The following CSNK2A2IP variants were observed in gnomAD, a reference collection of about 807,000 sequenced individuals.
The protein encoded by CSNK2A2IP is casein kinase II subunit alpha'-interacting protein.
the CSNK2A2IP span, among the ~76,000 whole-genome samples, chr3:88,360,651 G>A: frequency 6.6e-6 from 1 of 151,960 alleles, no homozygotes. Flanking sequence ...ACTTTCAATG[G>A]AATAATTTAG....
the CSNK2A2IP span, among the ~76,000 whole-genome samples, chr3:88,351,032 G>A: frequency 6.6e-6 from 1 of 152,078 alleles, no homozygotes; most frequent in East Asian, 1.9e-4. Flanking sequence ...ACAGAATTCT[G>A]GATTCTCATC....
the CSNK2A2IP span, among the ~76,000 whole-genome samples, chr3:88,404,602 C>T: frequency 5.9e-4 from 72 of 122,642 alleles, 4 homozygotes; most frequent in African/African-American, 1.9e-3. Context: ...CTCTTTGTTT[C>T]TCTCTTTCTA....
At chr3:88,447,851 A>T in the CSNK2A2IP span, among the ~76,000 whole-genome samples, 1 of 152,160 alleles carries the variant, frequency 6.6e-6, no homozygotes. Context: ...ATAGAACAAA[A>T]ATATACAGTT....
At chr3:88,409,849 A>G in the CSNK2A2IP span, among the ~76,000 whole-genome samples, 2 of 152,092 alleles carry the variant, frequency 1.3e-5, no homozygotes, top group Non-Finnish European at 2.9e-5. Context: ...GACTTGTAAA[A>G]TGAAACAATA....
chr3:88,404,501 T>G, the CSNK2A2IP span, among the ~76,000 whole-genome samples: 4 of 152,164 alleles, frequency 2.6e-5, no homozygotes, highest in African/African-American at 7.2e-5. Context: ...ATGAAAATAG[T>G]ACTTTTTAAT....
At chr3:88,427,764 C>T in the CSNK2A2IP span, among the ~76,000 whole-genome samples, 5 of 152,242 alleles carry the variant, frequency 3.3e-5, no homozygotes, top group Admixed American at 6.5e-5. Context: ...TTTCAAAGGA[C>T]GTCCGGTTTT....
chr3:88,395,918 T>C, the CSNK2A2IP span, among the ~76,000 whole-genome samples: 1 of 152,154 alleles, frequency 6.6e-6, no homozygotes, highest in African/African-American at 2.4e-5. Context: ...ATTACTTTAA[T>C]TGGTGGCTAT....
the CSNK2A2IP span, among the ~76,000 whole-genome samples, chr3:88,378,790 T>C: frequency 6.6e-6 from 1 of 152,004 alleles, no homozygotes; most frequent in Non-Finnish European, 1.5e-5. Context: ...TCCTAATGCA[T>C]CTTGCACATT....
At chr3:88,360,139 CTTT>C in the CSNK2A2IP span, among the ~76,000 whole-genome samples, 8 of 140,346 alleles carry the variant, frequency 5.7e-5, no homozygotes, top group Admixed American at 1.4e-4. Context: ...GAGTTTTTGT[CTTT>C]TTTTTTTTTT....
At chr3:88,416,912 A>G in the CSNK2A2IP span, among the ~76,000 whole-genome samples, 75 of 152,150 alleles carry the variant, frequency 4.9e-4, no homozygotes, top group African/African-American at 1.7e-3. Flanking sequence ...ATAAGCTCAT[A>G]TGCAATATTA....
the CSNK2A2IP span, among the ~76,000 whole-genome samples, chr3:88,452,965 G>A: frequency 6.6e-6 from 1 of 152,046 alleles, no homozygotes; most frequent in African/African-American, 2.4e-5. Context: ...GTTTGGAGAA[G>A]GTAGTCTTAA....
At chr3:88,386,970 C>T in the CSNK2A2IP span, among the ~76,000 whole-genome samples, 1 of 152,168 alleles carries the variant, frequency 6.6e-6, no homozygotes, top group African/African-American at 2.4e-5. Context: ...TGCAGTGAAA[C>T]AAAAGTGAAA....
the CSNK2A2IP span, among the ~76,000 whole-genome samples, chr3:88,415,154 C>G: frequency 6.6e-6 from 1 of 151,796 alleles, no homozygotes; most frequent in African/African-American, 2.4e-5. Context: ...TTTTCTTTTT[C>G]TCCCTAAATT....
the CSNK2A2IP span, among the ~76,000 whole-genome samples, chr3:88,399,208 T>C: frequency 5.9e-5 from 9 of 152,322 alleles, no homozygotes; most frequent in South Asian, 1.9e-3. Flanking sequence ...TATTATGTTA[T>C]TGTGAATTCT....
At chr3:88,424,290 T>C in the CSNK2A2IP span, among the ~76,000 whole-genome samples, 9 of 152,342 alleles carry the variant, frequency 5.9e-5, no homozygotes, top group African/African-American at 1.4e-4. Flanking sequence ...ATTCATGTGA[T>C]ACATTCTATA....
the CSNK2A2IP span, chr3:88,465,493 G>C: frequency 8.1e-7 from 1 of 1,231,612 alleles, no homozygotes; most frequent in Non-Finnish European, 1.0e-6. Flanking sequence ...TATGGCCAAA[G>C]TGCAATCCCA....
chr3:88,382,734 T>C, the CSNK2A2IP span: 4 of 152,216 alleles, frequency 2.6e-5, no homozygotes, highest in African/African-American at 9.6e-5. Context: ...TCAATGCCCC[T>C]AGGAGATCTG....
the CSNK2A2IP span, among the ~76,000 whole-genome samples, chr3:88,463,957 G>A: frequency 4.0e-4 from 60 of 151,820 alleles, no homozygotes; most frequent in Non-Finnish European, 8.1e-4. Flanking sequence ...ATACACCATG[G>A]AATATTATGC....
At chr3:88,419,327 T>A in the CSNK2A2IP span, among the ~76,000 whole-genome samples, 1 of 152,156 alleles carries the variant, frequency 6.6e-6, no homozygotes, top group African/African-American at 2.4e-5. Flanking sequence ...GTACTCAATG[T>A]TTAGCTCCCA....
Sources: gnomAD v4.1 joint callset for allele counts (sites outside exome capture counted in the v4.1 genomes callset) on GRCh38, gnomAD v4.1.1 for gene constraint, MANE v1.5 for transcripts, NCBI Gene and HGNC (gene_info 2026-07-23, HGNC 2026-07-21) for gene names.